RBFOX1: variants seen among roughly 807,000 people sequenced by gnomAD.
The protein encoded by RBFOX1 is RNA binding protein fox-1 homolog 1.
Under a neutral mutation model 57.7 loss-of-function variants are expected in RBFOX1, and 8 were observed. That is an observed-to-expected ratio of 0.14 (90% CI 0.08 to 0.25). The LOEUF (loss-of-function observed/expected upper bound fraction) is 0.25. Ranked by LOEUF, RBFOX1 falls within the 10% of genes least tolerant of loss-of-function variation. The probability of loss-of-function intolerance (pLI) is 1.00; values close to 1 mark genes in which losing one functional copy is unlikely to be tolerated. For missense variants in RBFOX1, 611 were observed against 548.5 expected, an observed-to-expected ratio of 1.11 and a Z score of -1.14; for synonymous variants, 326 against 222.4, an observed-to-expected ratio of 1.47 and a Z score of -4.15.
intron 4 of RBFOX1, among the ~76,000 whole-genome samples, chr16:7,266,489 A>T (rs28367302): frequency 0.038 from 5,858 of 152,248 alleles, 165 homozygotes; most frequent in East Asian, 0.13. Context: ...TTGTTTATAA[A>T]TTACTCAGTC....
chr16:6,785,383 G>C (rs2081774688), intron 3 of RBFOX1, among the ~76,000 whole-genome samples: 1 of 152,142 alleles, frequency 6.6e-6, no homozygotes. Context: ...AGGGAGTGGA[G>C]TTATTGTTGC....
intron 3 of RBFOX1, among the ~76,000 whole-genome samples, chr16:5,784,309 C>G (rs1011581317): frequency 1.3e-5 from 2 of 152,138 alleles, no homozygotes; most frequent in Non-Finnish European, 2.9e-5. Context: ...CGCCTGTAGT[C>G]CCAGCTACTT....
intron 3 of RBFOX1, among the ~76,000 whole-genome samples, chr16:5,806,181 C>A (rs1297093423): frequency 6.6e-6 from 1 of 152,176 alleles, no homozygotes; most frequent in African/African-American, 2.4e-5. Flanking sequence ...CTTCACCAGC[C>A]ACTGGAGGGA....
At chr16:6,746,219 A>G (rs142289560) in intron 3 of RBFOX1, among the ~76,000 whole-genome samples, 15 of 152,264 alleles carry the variant, frequency 9.9e-5, no homozygotes, top group African/African-American at 3.4e-4. Flanking sequence ...CACAATGCCA[A>G]TCAAACCCCA....
At chr16:7,233,034 C>A (rs923593109) in intron 4 of RBFOX1, among the ~76,000 whole-genome samples, 1 of 152,040 alleles carries the variant, frequency 6.6e-6, no homozygotes, top group African/African-American at 2.4e-5. Flanking sequence ...CTACATTTCC[C>A]TTTTCAATCC....
At chr16:7,095,569 C>T (rs961065819) in intron 4 of RBFOX1, among the ~76,000 whole-genome samples, 1 of 152,074 alleles carries the variant, frequency 6.6e-6, no homozygotes, top group Non-Finnish European at 1.5e-5. Flanking sequence ...CATTGTGAGC[C>T]CTTTCACACA....
intron 1 of RBFOX1, among the ~76,000 whole-genome samples, chr16:5,341,921 G>A (rs892468636): frequency 6.6e-6 from 1 of 152,188 alleles, no homozygotes; most frequent in Non-Finnish European, 1.5e-5. Context: ...CCCTGCCAGG[G>A]CTGGAGCCAT....
At chr16:7,041,406 A>C (rs774760360) in intron 3 of RBFOX1, among the ~76,000 whole-genome samples, 4 of 152,108 alleles carry the variant, frequency 2.6e-5, no homozygotes, top group Non-Finnish European at 5.9e-5. Context: ...AAGTTTTTCA[A>C]TTCCTAATGT....
At chr16:6,143,703 G>A (rs1597737192) in intron 1 of RBFOX1, among the ~76,000 whole-genome samples, 1 of 152,110 alleles carries the variant, frequency 6.6e-6, no homozygotes, top group Admixed American at 6.5e-5. Flanking sequence ...CGGTAGTGGT[G>A]GTGGTGATGT....
chr16:7,711,192 G>C lies in RBFOX1; in HGVS notation c.*447G>C, dbSNP rs1271387367. 4.0e-5 allele frequency: 6 copies of C among 151,698 alleles called. No individual in the cohort carries two copies. The East Asian group carries it at 1.2e-3, about 30-fold the overall frequency. The allele number at this position is 151,698 out of a possible 1,614,324, so 9.4% of individuals were successfully genotyped here. A position where few individuals can be genotyped will look rare whatever the true frequency, so the allele number is the denominator to read the frequency against. Reference sequence around the variant, plus strand: ...ATTTTGCGAAAGGGGAGGTTGGGAGGGGCTTAGGGGATTGGAACTGGGGTT... The same window carrying C: ...ATTTTGCGAAAGGGGAGGTTGGGAGCGGCTTAGGGGATTGGAACTGGGGTT... On this transcript the variant is annotated 3_prime_UTR_variant, in exon 16 of 16. Transcript: ENST00000550418.
At chr16:6,227,497 G>A (rs376927255) in intron 1 of RBFOX1, among the ~76,000 whole-genome samples, 10 of 152,128 alleles carry the variant, frequency 6.6e-5, no homozygotes, top group Non-Finnish European at 1.2e-4. Flanking sequence ...TTTGGGAGTG[G>A]CCGTGGAGCC....
At chr16:6,856,448 C>A (rs1049173953) in intron 3 of RBFOX1, among the ~76,000 whole-genome samples, 1 of 152,058 alleles carries the variant, frequency 6.6e-6, no homozygotes, top group Non-Finnish European at 1.5e-5. Context: ...ACAGCAGGAC[C>A]ACCTGAGCCA....
rs562150815 is a variant in RBFOX1, at chr16:7,544,097, T to C, written c.270+25708T>C. On this transcript the variant is annotated intron_variant, in intron 5 of 15. Coordinates refer to ENST00000550418, the MANE Select transcript of RBFOX1 (RefSeq NM_018723.4). The stretch of plus-strand genomic sequence containing the variant: ...AAAGTGAGAGAGAATCCTCATTCTA[T>C]GGAGAGGGGGAATAAGACCAGGAAA... Among the ~76,000 whole-genome samples the C allele has an allele frequency of 2.0e-3, 303 of 152,328 alleles. 4 individuals are homozygous for C. The highest frequency in any genetic ancestry group is 6.4e-3 in the African/African-American group (268 of 41,574).
At chr16:6,279,586 T>C (rs2076174419) in intron 1 of RBFOX1, among the ~76,000 whole-genome samples, 2 of 152,182 alleles carry the variant, frequency 1.3e-5, no homozygotes, top group Non-Finnish European at 1.5e-5. Context: ...GATCTGATTA[T>C]CTATTGGCCT....
intron 2 of RBFOX1, among the ~76,000 whole-genome samples, chr16:6,579,783 A>G (rs2097506831): frequency 6.6e-6 from 1 of 152,036 alleles, no homozygotes. Context: ...ACACGGTCTC[A>G]CTATGTTGCC....
At chr16:6,307,157 C>T (rs988994274) in intron 1 of RBFOX1, among the ~76,000 whole-genome samples, 3 of 152,102 alleles carry the variant, frequency 2.0e-5, no homozygotes, top group Admixed American at 1.3e-4. Context: ...TCGTAAACGC[C>T]CCCCTAGGTC....
intron 2 of RBFOX1, among the ~76,000 whole-genome samples, chr16:5,563,852 C>G (rs2045971422): frequency 6.6e-6 from 1 of 152,142 alleles, no homozygotes; most frequent in Non-Finnish European, 1.5e-5. Flanking sequence ...TTCTTCCCAT[C>G]TCTAGCTGTT....
intron 6 of RBFOX1, 26 bp downstream of exon 6, chr16:7,579,946 G>C: frequency 1.2e-6 from 2 of 1,611,744 alleles, no homozygotes; most frequent in Non-Finnish European, 1.7e-6. Context: ...CTTCCCAGCA[G>C]TGCCCGCTCT....
intron 4 of RBFOX1, among the ~76,000 whole-genome samples, chr16:7,332,388 A>G (rs1414738847): frequency 6.6e-6 from 1 of 152,206 alleles, no homozygotes; most frequent in Non-Finnish European, 1.5e-5. Context: ...CTTATTTACA[A>G]ATTGCCACTT....
Sources: allele counts gnomAD v4.1 joint callset (sites outside exome capture counted in the v4.1 genomes callset), GRCh38; gene constraint gnomAD v4.1.1; transcripts MANE v1.5; gene names NCBI Gene and HGNC (gene_info 2026-07-23, HGNC 2026-07-21).